SAMD13: variants seen among roughly 807,000 people sequenced by gnomAD.
SAMD13 encodes the protein sterile alpha motif domain-containing protein 13.
A neutral mutation model predicts 12.4 loss-of-function variants in SAMD13; 9 were observed. That is an observed-to-expected ratio of 0.72 (90% CI 0.44 to 1.26). SAMD13 has a LOEUF of 1.26. Among genes scored for constraint, SAMD13 ranks in the 50% most tolerant of loss-of-function variants. The probability of loss-of-function intolerance (pLI) is 0.00; values close to 1 mark genes in which losing one functional copy is unlikely to be tolerated. For missense variants in SAMD13, 84 were observed against 119.6 expected (o/e 0.70, Z 1.39); for synonymous variants, 46 against 45.4 (o/e 1.01, Z -0.05).
At chr1:84,299,551 C>A, upstream of SAMD13, 2 of 1,435,796 alleles carry the variant, frequency 1.4e-6, no homozygotes, top group Non-Finnish European at 9.3e-7. Flanking sequence ...CCACATAGTG[C>A]ACACATCACA....
intron 2 of SAMD13, among the ~76,000 whole-genome samples, chr1:84,305,553 T>A (rs538149536): frequency 6.6e-6 from 1 of 152,300 alleles, no homozygotes; most frequent in East Asian, 1.9e-4. Context: ...GCTTTTGGTG[T>A]CATATTTAAG....
chr1:84,319,999 A>G (rs1014518182), intron 2 of SAMD13, among the ~76,000 whole-genome samples: 2 of 151,982 alleles, frequency 1.3e-5, no homozygotes, highest in Non-Finnish European at 2.9e-5. Context: ...TCAACCATCT[A>G]TTTCCCCCTT....
At chr1:84,328,815 G>A (rs1340430717) in intron 3 of SAMD13, among the ~76,000 whole-genome samples, 3 of 152,116 alleles carry the variant, frequency 2.0e-5, no homozygotes, top group East Asian at 1.9e-4. Flanking sequence ...AGGTCACAGC[G>A]CTGAGAAACA....
Position 84,349,870 on chromosome 1 carries a change from A to G in SAMD13, c.*96A>G, listed in dbSNP as rs1679611715. Reference sequence around the variant, plus strand: ...TTGTAAACAGAATACATACATGTGTATATGTAAAGAATTTCAATCAAATGA... The same window carrying G: ...TTGTAAACAGAATACATACATGTGTGTATGTAAAGAATTTCAATCAAATGA... On this transcript the variant is annotated 3_prime_UTR_variant, in exon 4 of 4. Coordinates refer to ENST00000394834, the MANE Select transcript of SAMD13 (RefSeq NM_001134663.2). The G allele has an allele frequency of 1.4e-6, 2 of 1,477,744 alleles. No homozygotes were observed. The highest frequency in any genetic ancestry group is 1.5e-5 in the South Asian group (1 of 65,928). 91.5% of individuals were successfully genotyped at this position (1,477,744 alleles called of 1,614,324 possible).
chr1:84,316,155 C>G (rs1018989092), intron 2 of SAMD13, among the ~76,000 whole-genome samples: 1 of 152,126 alleles, frequency 6.6e-6, no homozygotes, highest in Non-Finnish European at 1.5e-5. Context: ...AGTATTTTCT[C>G]TCATTCCATA....
chr1:84,336,968 C>T (rs746849637), intron 3 of SAMD13, among the ~76,000 whole-genome samples: 1 of 152,206 alleles, frequency 6.6e-6, no homozygotes, highest in Non-Finnish European at 1.5e-5. Context: ...GCAGGGCAGT[C>T]AAATCTTTAA....
At chr1:84,302,137 C>A (rs1678463950) in intron 1 of SAMD13, 1 of 152,086 alleles carries the variant, frequency 6.6e-6, no homozygotes, top group Non-Finnish European at 1.5e-5. Context: ...TGAAAATTAT[C>A]CCACACTTAC....
At chr1:84,304,255 G>C (rs1313745461) in intron 2 of SAMD13, 1 of 152,168 alleles carries the variant, frequency 6.6e-6, no homozygotes, top group Non-Finnish European at 1.5e-5. Context: ...CTGCCATGCT[G>C]ATTACCATCC....
chr1:84,299,101 C>A (rs998875732), upstream of SAMD13, among the ~76,000 whole-genome samples: 10 of 152,112 alleles, frequency 6.6e-5, no homozygotes, highest in Non-Finnish European at 1.5e-4. Context: ...GCCCCTGAGA[C>A]GCCATTCCCG....
chr1:84,335,733 A>G (rs1679276526), intron 3 of SAMD13, among the ~76,000 whole-genome samples: 1 of 152,218 alleles, frequency 6.6e-6, no homozygotes, highest in Admixed American at 6.5e-5. Flanking sequence ...CTCGAAAGGC[A>G]GGTCTAGTGG....
chr1:84,319,599 C>T (rs537145944), intron 2 of SAMD13, among the ~76,000 whole-genome samples: 23 of 149,024 alleles, frequency 1.5e-4, no homozygotes, highest in African/African-American at 4.5e-4. Context: ...CCCTCCACTT[C>T]GCTCCAGCCT....
chr1:84,299,659 A>G (rs191757368), upstream of SAMD13: 7,626 of 815,852 alleles, frequency 9.3e-3, 116 homozygotes, highest in African/African-American at 0.071. Flanking sequence ...GTACTAGTGT[A>G]TATATATATA....
At chr1:84,326,188 G>A (rs1330818363) in intron 3 of SAMD13, among the ~76,000 whole-genome samples, 9 of 152,102 alleles carry the variant, frequency 5.9e-5, no homozygotes, top group Non-Finnish European at 1.3e-4. Context: ...TTGCTTTCTG[G>A]GTGCTTAGCA....
intron 3 of SAMD13, among the ~76,000 whole-genome samples, chr1:84,342,242 A>G (rs1213365064): frequency 6.6e-6 from 1 of 152,200 alleles, no homozygotes; most frequent in Non-Finnish European, 1.5e-5. Flanking sequence ...TCCCTTTTTA[A>G]AAGCATTTGT....
intron 2 of SAMD13, among the ~76,000 whole-genome samples, chr1:84,305,834 T>C (rs544965756): frequency 6.6e-6 from 1 of 152,204 alleles, no homozygotes; most frequent in Non-Finnish European, 1.5e-5. Flanking sequence ...GGGCTCTCTA[T>C]TGTATTCCAT....
At chr1:84,343,343 C>G (rs965448143) in intron 3 of SAMD13, among the ~76,000 whole-genome samples, 60 of 152,212 alleles carry the variant, frequency 3.9e-4, no homozygotes, top group African/African-American at 1.4e-3. Context: ...ATTCAGCAGT[C>G]CCATTACTGG....
chr1:84,318,967 C>T (rs1405345611), intron 2 of SAMD13, among the ~76,000 whole-genome samples: 2 of 152,126 alleles, frequency 1.3e-5, no homozygotes, highest in African/African-American at 2.4e-5. Context: ...CATATTAAAA[C>T]ATCGTATTTT....
At chr1:84,334,968 G>T (rs974333107) in intron 3 of SAMD13, among the ~76,000 whole-genome samples, 4 of 151,916 alleles carry the variant, frequency 2.6e-5, no homozygotes, top group African/African-American at 9.7e-5. Flanking sequence ...TATGCTAATT[G>T]TGTGGTCGAT....
At chr1:84,302,337 CTTTTT>C (rs34069417) in intron 1 of SAMD13, among the ~76,000 whole-genome samples, 3 of 123,162 alleles carry the variant, frequency 2.4e-5, no homozygotes, top group East Asian at 2.3e-4. Flanking sequence ...CTGTTTCTTC[CTTTTT>C]TTTTTTTTTT....
Sources: allele counts gnomAD v4.1 joint callset (sites outside exome capture counted in the v4.1 genomes callset), GRCh38; gene constraint gnomAD v4.1.1; transcripts MANE v1.5; gene names NCBI Gene and HGNC (gene_info 2026-07-23, HGNC 2026-07-21).